The following SDC1 variants were observed in gnomAD, a reference collection of about 807,000 sequenced individuals.
SDC1 encodes the protein syndecan 1, also known as syndecan-1.
In SDC1, 14 loss-of-function variants were observed where a neutral mutation model predicts 29.7. The observed-to-expected ratio is 0.47, with a 90% CI of 0.31 to 0.74. The LOEUF (loss-of-function observed/expected upper bound fraction) is 0.74, where lower values mean the gene tolerates loss of function less well. SDC1 is among the 30% of genes least tolerant of loss of function. The pLI is 0.05. For missense variants in SDC1, 406 were observed against 400.3 expected (o/e 1.01, Z -0.12); for synonymous variants, 204 against 175.5 (o/e 1.16, Z -1.29).
At chr2:20,220,207 C>T (rs188378533) in intron 1 of SDC1, among the ~76,000 whole-genome samples, 7 of 152,342 alleles carry the variant, frequency 4.6e-5, no homozygotes, top group African/African-American at 1.7e-4. Context: ...CCTGGCCCAG[C>T]CCCCTCAGCC....
intron 1 of SDC1, among the ~76,000 whole-genome samples, chr2:20,211,609 T>G (rs998942992): frequency 2.6e-5 from 4 of 152,146 alleles, no homozygotes; most frequent in Non-Finnish European, 5.9e-5. Flanking sequence ...CCCACTGGCT[T>G]CCCACCAGCC....
In SDC1 at chr2:20,204,031, C is replaced by T. The variant is rs1677150891; in HGVS notation, c.409G>A (p.Ala137Thr). 1.2e-6 allele frequency: 2 copies of T among 1,612,802 alleles called. No homozygotes were observed. Among genetic ancestry groups the T allele is most frequent in the African/African-American group, 1.3e-5 (1 of 74,840 alleles). The change falls in exon 3 of 5, where the codon GCC becomes ACC. Residue 137 changes from alanine to threonine, a missense_variant. Ala to Thr is a moderately conservative substitution (Grantham distance 58). Transcript: ENST00000254351. ...GCCGTGGTGGCTGTGGTCGTTGAGG[C>T]CAGATGAGTGGTCGGGAGCTGTGTG... ...ETTQLPTTHL[A>T]STTTATTAQE...
chr2:20,222,110 C>CACACAG (rs557201293), intron 1 of SDC1, among the ~76,000 whole-genome samples: 4 of 151,092 alleles, frequency 2.6e-5, no homozygotes, highest in African/African-American at 7.3e-5. Flanking sequence ...CACACACACA[C>CACACAG]AGAGAGAAAG....
In SDC1 at chr2:20,224,820, G is replaced by A; in HGVS notation, c.48C>T (p.Ser16=). 7.7e-7 allele frequency: 1 copy of A among 1,295,020 alleles called. No homozygotes were observed. The highest frequency in any genetic ancestry group is 9.8e-7 in the Non-Finnish European group (1 of 1,023,088). 80.2% of individuals were successfully genotyped at this position (1,295,020 alleles called of 1,614,324 possible). A position where few individuals can be genotyped will look rare whatever the true frequency, so the allele number is the denominator to read the frequency against. Residue 16 remains serine (S), a synonymous_variant, in exon 1 of 5, where the codon AGC becomes AGT. Transcript: ENST00000254351. This position sits in a 1 kb window ranked among gnomAD's most constrained non-coding sequence, Gnocchi z 4.9. The part of the protein sequence containing the change: ...LWLWLCALAL[S]LQPALPQIVA... Reference sequence around the variant, plus strand: ...CACTCACCGGCAGGGCCGGCTGCAGGCTCAGCGCCAGCGCGCACAGCCAGA... The same window carrying A: ...CACTCACCGGCAGGGCCGGCTGCAGACTCAGCGCCAGCGCGCACAGCCAGA...
rs192308917 is a variant in SDC1 at position 20,224,687 on chromosome 2, C to T, written c.66+115G>A. ...CGTCCCGGGACCCGCTGGGCTAGCGCGGGAAGAAGGGAAGTCTTCGCTCCC... is the reference window on the plus strand; with the variant it reads ...CGTCCCGGGACCCGCTGGGCTAGCGTGGGAAGAAGGGAAGTCTTCGCTCCC... On this transcript the variant is annotated intron_variant, in intron 1 of 4. Coordinates refer to ENST00000254351, the MANE Select transcript of SDC1 (RefSeq NM_002997.5). This position sits in a 1 kb window ranked among gnomAD's most constrained non-coding sequence, Gnocchi z 4.9. 8.6e-7 allele frequency: 1 copy of T among 1,157,778 alleles called. No individual in the cohort carries two copies. Among genetic ancestry groups the T allele is most frequent in the Non-Finnish European group, 1.1e-6 (1 of 929,832 alleles). The allele number at this position is 1,157,778 out of a possible 1,614,324, so 71.7% of individuals were successfully genotyped here.
intron 1 of SDC1, among the ~76,000 whole-genome samples, chr2:20,207,167 C>T (rs1414305655): frequency 1.3e-5 from 2 of 152,242 alleles, no homozygotes; most frequent in Admixed American, 6.5e-5. Flanking sequence ...TGGGGCAGAG[C>T]CAGACCAGGT....
intron 1 of SDC1, among the ~76,000 whole-genome samples, chr2:20,222,147 C>T (rs1184262262): frequency 6.6e-6 from 1 of 152,106 alleles, no homozygotes; most frequent in Non-Finnish European, 1.5e-5. Flanking sequence ...TTAGACAAAC[C>T]TGTTTTAGTC....
intron 3 of SDC1, among the ~76,000 whole-genome samples, 170 bp from the exon 4 acceptor site, chr2:20,203,392 C>T (rs1293581816): frequency 6.6e-6 from 1 of 152,254 alleles, no homozygotes; most frequent in Non-Finnish European, 1.5e-5. Flanking sequence ...CTTCTTGCCA[C>T]ATCAACTCCG....
At chr2:20,203,665 C>A (rs1677125039) in intron 3 of SDC1, 148 bp downstream of exon 3, 1 of 679,206 alleles carries the variant, frequency 1.5e-6, no homozygotes, top group Non-Finnish European at 2.5e-6. Context: ...CTGGGCGAGG[C>A]CCTGGGGGTA....
rs1467209149 is a variant in SDC1, at chr2:20,201,539, A to G, written c.*1227T>C. 1 of 152,704 alleles carries G rather than the reference A, an allele frequency of 6.5e-6. No homozygotes were observed. Among genetic ancestry groups the G allele is most frequent in the Non-Finnish European group, 1.5e-5 (1 of 68,056 alleles). The allele number at this position is 152,704 out of a possible 1,614,324, so 9.5% of individuals were successfully genotyped here. On this transcript the variant is annotated 3_prime_UTR_variant, in exon 5 of 5. Transcript: ENST00000254351. ...ATTACATTTGGAAAATCTACTGTACAGGGAAAAACCCATTGGATTAAGTAG... is the reference window on the plus strand; with the variant it reads ...ATTACATTTGGAAAATCTACTGTACGGGGAAAAACCCATTGGATTAAGTAG...
chr2:20,211,431 T>C (rs1398009773), intron 1 of SDC1, among the ~76,000 whole-genome samples: 1 of 152,136 alleles, frequency 6.6e-6, no homozygotes, highest in Admixed American at 6.5e-5. Context: ...AGCTCAGCAA[T>C]GTCCTCTACA....
rs763907529 is a variant in SDC1, at chr2:20,203,835, G to A, written c.605C>T (p.Ala202Val). The A allele has an allele frequency of 1.9e-6, 3 of 1,597,668 alleles. No homozygotes were observed. Among genetic ancestry groups the A allele is most frequent in the Admixed American group, 3.7e-5 (2 of 53,766 alleles). ...CACCTGCTCCCCAGAGCCCTCTGCT[G>A]CTGGGAGCTGACTGGAGGCTCCATC... ...AEDGASSQLP[A>V]AEGSGEQDFT... The change falls in exon 3 of 5, where the codon GCA (alanine) becomes GTA (valine). Residue 202 changes from alanine (A) to valine (V), a missense_variant. Transcript: ENST00000254351.
Position 20,218,690 on chromosome 2 carries a change from CACACAA to C in SDC1, c.66+6106_66+6111del, listed in dbSNP as rs112627188. 3.4e-4 allele frequency among the ~76,000 whole-genome samples: 51 copies of C among 151,552 alleles called. 1 individual carries two copies. Among genetic ancestry groups the C allele is most frequent in the African/African-American group, 1.1e-3 (45 of 41,246 alleles). On this transcript the variant is annotated intron_variant, in intron 1 of 4. Transcript: ENST00000254351. ...GTACACACGGACACACACACGGACG[CACACAA>C]ACACAAAGAGACAGACACATAGAGG...
intron 1 of SDC1, among the ~76,000 whole-genome samples, chr2:20,217,983 C>A (rs1401311303): frequency 6.6e-6 from 1 of 152,198 alleles, no homozygotes; most frequent in East Asian, 1.9e-4. Flanking sequence ...CCTCCACTGG[C>A]CTTGCCCATC....
Position 20,203,215 on chromosome 2 carries a change from G to C in SDC1, c.635C>G (p.Thr212Ser), listed in dbSNP as rs776874505. ...CGTATTCTCCCCCGAGGTTTCAAAG[G>C]TGAAGTCCTGTGGGAGGGCAGGGGC... ...AAEGSGEQDFTFETSGENTAV... is the reference protein window; with the variant it reads ...AAEGSGEQDFSFETSGENTAV... The change falls in exon 4 of 5, where the codon ACC (threonine) becomes AGC (serine). Residue 212 changes from threonine to serine, a missense_variant. Physicochemically the swap from Thr to Ser is moderately conservative, Grantham distance 58. Transcript: ENST00000254351. 1 of 1,605,336 alleles carries C rather than the reference G, an allele frequency of 6.2e-7. No homozygotes were observed. The highest frequency in any genetic ancestry group is 1.3e-5 in the African/African-American group (1 of 74,904).
intron 1 of SDC1, among the ~76,000 whole-genome samples, chr2:20,221,239 G>A (rs111373843): frequency 6.6e-6 from 1 of 152,170 alleles, no homozygotes; most frequent in Non-Finnish European, 1.5e-5. Context: ...TCTCAGCTTG[G>A]AAATAAGCCT....
chr2:20,204,631 C>T (rs1677192175), intron 2 of SDC1, among the ~76,000 whole-genome samples: 1 of 152,098 alleles, frequency 6.6e-6, no homozygotes, highest in Admixed American at 6.5e-5. Flanking sequence ...TATCCCAGGG[C>T]ACACACTTCT....
chr2:20,202,471 G>A lies in SDC1; in HGVS notation c.*295C>T. 1 of 593,094 alleles carries A rather than the reference G, an allele frequency of 1.7e-6. No homozygotes were observed. The highest frequency in any genetic ancestry group is 3.0e-6 in the Non-Finnish European group (1 of 333,500). 36.7% of individuals were successfully genotyped at this position (593,094 alleles called of 1,614,324 possible). ...TCCCCTCCAGAGCTGGACCTGGGGA[G>A]AGGCTGCTTCAGTTTGGAGAAACCG... On this transcript the variant is annotated 3_prime_UTR_variant, in exon 5 of 5. Coordinates refer to ENST00000254351, the MANE Select transcript of SDC1 (RefSeq NM_002997.5).
chr2:20,202,636 G>A lies in SDC1; in HGVS notation c.*130C>T. 7.8e-6 allele frequency: 7 copies of A among 893,488 alleles called. No homozygotes were observed. The highest frequency in any genetic ancestry group is 1.0e-5 in the Non-Finnish European group (6 of 575,654). 55.3% of individuals were successfully genotyped at this position (893,488 alleles called of 1,614,324 possible). On this transcript the variant is annotated 3_prime_UTR_variant, in exon 5 of 5. Transcript: ENST00000254351. ...ACACCCCACGACTCCGTGGGCAGGAGCGACCAGAGGGGCTGGAATGCTGGG... is the reference window on the plus strand; with the variant it reads ...ACACCCCACGACTCCGTGGGCAGGAACGACCAGAGGGGCTGGAATGCTGGG...
Sources: allele counts gnomAD v4.1 joint callset (sites outside exome capture counted in the v4.1 genomes callset), GRCh38; gene constraint gnomAD v4.1.1; non-coding constraint Gnocchi (gnomAD v3.1); transcripts MANE v1.5; gene names NCBI Gene and HGNC (gene_info 2026-07-23, HGNC 2026-07-21).